The following GPC3 variants were observed in gnomAD, a reference collection of about 807,000 sequenced individuals.
The protein encoded by GPC3 is glypican-3.
GPC3 carries 3 observed loss-of-function variants against 34.4 expected under a neutral mutation model. The observed-to-expected ratio is 0.09, with a 90% CI of 0.04 to 0.23. The LOEUF (loss-of-function observed/expected upper bound fraction) is 0.23. Ranked by LOEUF, GPC3 falls within the 10% of genes least tolerant of loss-of-function variation. The probability of loss-of-function intolerance (pLI) is 1.00; values close to 1 mark genes in which losing one functional copy is unlikely to be tolerated. For synonymous variants in GPC3, 177 were observed against 174.0 expected, an observed-to-expected ratio of 1.02 and a Z score of -0.13; for missense variants, 351 against 445.6, an observed-to-expected ratio of 0.79 and a Z score of 1.91.
intron 2 of GPC3, among the ~76,000 whole-genome samples, chrX:133,865,093 C>T (rs2124570678): frequency 8.9e-6 from 1 of 111,838 alleles, no homozygotes; most frequent in South Asian, 3.8e-4. Context: ...TCTGTTCCTT[C>T]AATAAAATGC....
At chrX:133,914,944 A>AATATAC (rs2076217020) in intron 2 of GPC3, among the ~76,000 whole-genome samples, 3 of 49,934 alleles carry the variant, frequency 6.0e-5, no homozygotes, top group African/African-American at 3.0e-4. Flanking sequence ...TCAAACTGGA[A>AATATAC]ATATATATAT....
At chrX:133,841,727 G>A (rs1032799778) in intron 2 of GPC3, among the ~76,000 whole-genome samples, 3 of 111,935 alleles carry the variant, frequency 2.7e-5, no homozygotes, top group Admixed American at 9.5e-5. Flanking sequence ...GTGTGTCTGT[G>A]TGGGTGTTGC....
At chrX:133,927,284 G>A (rs1220411277) in intron 2 of GPC3, among the ~76,000 whole-genome samples, 1 of 109,775 alleles carries the variant, frequency 9.1e-6, no homozygotes, top group African/African-American at 3.3e-5. Context: ...AAAGTGAAAA[G>A]GTATGTTACC....
chrX:133,798,134 AT>A (rs2075591410), intron 2 of GPC3, among the ~76,000 whole-genome samples: 1 of 111,912 alleles, frequency 8.9e-6, no homozygotes, highest in Admixed American at 9.5e-5. Context: ...TTTATATTTC[AT>A]TTTAAGCTTA....
chrX:133,558,082 G>A (rs1443749274), intron 7 of GPC3, among the ~76,000 whole-genome samples: 1 of 111,208 alleles, frequency 9.0e-6, no homozygotes, highest in Non-Finnish European at 1.9e-5. Context: ...ATTAGAGAAA[G>A]TAAGTTGAGC....
intron 2 of GPC3, among the ~76,000 whole-genome samples, chrX:133,863,822 A>AT (rs1377959675): frequency 9.9e-6 from 1 of 101,275 alleles, no homozygotes; most frequent in Non-Finnish European, 2.0e-5. Flanking sequence ...CGCCCGGCTA[A>AT]TTTTTTGTAT....
At chrX:133,925,752 T>C (rs2076272133) in intron 2 of GPC3, among the ~76,000 whole-genome samples, 2 of 111,663 alleles carry the variant, frequency 1.8e-5, no homozygotes, top group African/African-American at 3.3e-5. Context: ...TCAATAAAAG[T>C]AATACTATGT....
chrX:133,746,478 A>G (rs2071612907), intron 3 of GPC3, among the ~76,000 whole-genome samples: 1 of 112,253 alleles, frequency 8.9e-6, no homozygotes. Context: ...ACTTTTTGAA[A>G]CCTACCATAA....
At chrX:133,605,902 C>T (rs939616644) in intron 6 of GPC3, among the ~76,000 whole-genome samples, 8 of 111,696 alleles carry the variant, frequency 7.2e-5, no homozygotes, top group African/African-American at 2.6e-4. Context: ...TGTTTAATGA[C>T]AAAGAAGAGA....
intron 2 of GPC3, among the ~76,000 whole-genome samples, chrX:133,821,343 A>G (rs751288437): frequency 8.9e-6 from 1 of 112,426 alleles, no homozygotes; most frequent in African/African-American, 3.2e-5. Flanking sequence ...CAATTTCTGT[A>G]TAATCCTGGC....
chrX:133,894,094 C>T (rs369172583), intron 2 of GPC3, among the ~76,000 whole-genome samples: 3 of 111,651 alleles, frequency 2.7e-5, no homozygotes, highest in East Asian at 2.8e-4. Context: ...GTGCCCACCT[C>T]GGCCTACCAA....
At chrX:133,677,300 A>G (rs746818318) in intron 5 of GPC3, among the ~76,000 whole-genome samples, 2 of 111,472 alleles carry the variant, frequency 1.8e-5, no homozygotes, top group Non-Finnish European at 3.8e-5. Flanking sequence ...CTTTCGAATC[A>G]CTTTCACTTT....
At chrX:133,808,456 A>G (rs2075647293) in intron 2 of GPC3, among the ~76,000 whole-genome samples, 1 of 112,344 alleles carries the variant, frequency 8.9e-6, no homozygotes, top group African/African-American at 3.2e-5. Flanking sequence ...TATTCAACAG[A>G]CTTTGAGATA....
At chrX:133,710,799 T>C (rs2071259367) in intron 3 of GPC3, among the ~76,000 whole-genome samples, 1 of 112,229 alleles carries the variant, frequency 8.9e-6, no homozygotes, top group Non-Finnish European at 1.9e-5. Flanking sequence ...AAGAGACTTA[T>C]ATTTTGCTAA....
At chrX:133,824,138 A>G (rs1221861987) in intron 2 of GPC3, among the ~76,000 whole-genome samples, 1 of 111,604 alleles carries the variant, frequency 9.0e-6, no homozygotes, top group Non-Finnish European at 1.9e-5. Context: ...AAAGGAAAAC[A>G]GGAAAAGAGA....
intron 2 of GPC3, among the ~76,000 whole-genome samples, chrX:133,887,684 A>AT (rs1264843793): frequency 3.6e-5 from 4 of 112,006 alleles, no homozygotes; most frequent in African/African-American, 1.3e-4. Flanking sequence ...ACAGAAAAAA[A>AT]TTGCAACCTC....
chrX:133,820,365 AAC>A (rs1187262212), intron 2 of GPC3, among the ~76,000 whole-genome samples: 1 of 112,288 alleles, frequency 8.9e-6, no homozygotes, highest in Non-Finnish European at 1.9e-5. Flanking sequence ...TAGTGATCAT[AAC>A]ATTAGATGAT....
intron 7 of GPC3, among the ~76,000 whole-genome samples, chrX:133,575,270 T>C (rs2069668310): frequency 8.9e-6 from 1 of 112,129 alleles, no homozygotes; most frequent in African/African-American, 3.2e-5. Context: ...AGAAAACAAT[T>C]AGCAGTAAGT....
At chrX:133,575,714 C>T (rs753193627) in intron 7 of GPC3, among the ~76,000 whole-genome samples, 5 of 111,337 alleles carry the variant, frequency 4.5e-5, no homozygotes, top group African/African-American at 6.5e-5. Context: ...ATACTGAGGC[C>T]GGATGGTCAT....
Sources: allele counts gnomAD v4.1 joint callset (sites outside exome capture counted in the v4.1 genomes callset), GRCh38; gene constraint gnomAD v4.1.1; transcripts MANE v1.5; gene names NCBI Gene and HGNC (gene_info 2026-07-23, HGNC 2026-07-21).